The following RPS3A variants were observed in gnomAD, a reference collection of about 807,000 sequenced individuals.
RPS3A encodes the protein ribosomal protein S3A.
Under a neutral mutation model 26.4 loss-of-function variants are expected in RPS3A, and 1 was observed. The ratio of observed to expected loss-of-function variants is 0.04; its 90% confidence interval spans 0.01 to 0.18. RPS3A has a LOEUF of 0.18. Ranked by LOEUF, RPS3A falls within the 10% of genes least tolerant of loss-of-function variation. The pLI is 1.00. For missense variants in RPS3A, 139 were observed against 326.8 expected, an observed-to-expected ratio of 0.43 and a Z score of 4.43; for synonymous variants, 97 against 106.1, an observed-to-expected ratio of 0.91 and a Z score of 0.53.
chr4:151,101,200 G>GT, intron 3 of RPS3A, 38 bp downstream of exon 3: 1 of 1,370,446 alleles, frequency 7.3e-7, no homozygotes, highest in South Asian at 1.3e-5. Context: ...TGTGCTATGG[G>GT]TGTTTGACCA....
rs776716051 is a variant in RPS3A at position 151,103,595 on chromosome 4, C to T, written c.563+516C>T. On this transcript the variant is annotated intron_variant, in intron 4 of 5. Transcript: ENST00000274065. ...AGTTGAAGGACAGGAAATGTTTTTC[C>T]CCTACTTGGAAAATACACTGAATAA... 95 of 1,044,872 alleles carry T rather than the reference C, an allele frequency of 9.1e-5. No individual in the cohort carries two copies. In the Admixed American group the frequency reaches 1.8e-3, roughly 20 times the overall value. The allele number at this position is 1,044,872 out of a possible 1,614,324, so 64.7% of individuals were successfully genotyped here.
At chr4:151,100,174 G>A (rs1350306119) in intron 1 of RPS3A, among the ~76,000 whole-genome samples, 2 of 152,240 alleles carry the variant, frequency 1.3e-5, no homozygotes, top group African/African-American at 4.8e-5. Context: ...TGCCAGCAAA[G>A]TTAATGAGAT....
At chr4:151,103,526 T>C (rs978868863) in intron 4 of RPS3A, 4 of 1,030,692 alleles carry the variant, frequency 3.9e-6, no homozygotes, top group Non-Finnish European at 2.3e-6. Context: ...TAACAGTTTT[T>C]TCGTGTTTAT....
At chr4:151,104,353 G>C in intron 5 of RPS3A, 67 bp downstream of exon 5, 1 of 1,552,564 alleles carries the variant, frequency 6.4e-7, no homozygotes, top group Non-Finnish European at 8.7e-7. Context: ...GAGGAGTGTG[G>C]GGCCATATCA....
chr4:151,101,585 A>G (rs771266186), intron 3 of RPS3A, among the ~76,000 whole-genome samples: 4 of 152,070 alleles, frequency 2.6e-5, no homozygotes, highest in South Asian at 4.1e-4. Flanking sequence ...CCATTTGCCT[A>G]TTGTGTTCTC....
intron 3 of RPS3A, among the ~76,000 whole-genome samples, chr4:151,101,787 C>T (rs970911531): frequency 6.6e-6 from 1 of 152,114 alleles, no homozygotes; most frequent in African/African-American, 2.4e-5. Context: ...GGCTGGAGTG[C>T]AGTGGCGCCA....
chr4:151,099,963 G>C (rs752162082), intron 1 of RPS3A: 1 of 670,026 alleles, frequency 1.5e-6, no homozygotes, highest in Non-Finnish European at 2.7e-6. Context: ...GACTCGGCTG[G>C]AATGTTAGTT....
chr4:151,101,178 C>A lies in RPS3A; in HGVS notation c.354+16C>A. The A allele has an allele frequency of 6.4e-7, 1 of 1,573,726 alleles. No individual in the cohort carries two copies. Among genetic ancestry groups the A allele is most frequent in the Admixed American group, 1.7e-5 (1 of 58,636 alleles). On this transcript the variant is annotated intron_variant, in intron 3 of 5. Coordinates refer to ENST00000274065, the MANE Select transcript of RPS3A (RefSeq NM_001006.5). ...AAAATGGCAGGTGAGACCCAAAGTT[C>A]CTTAGAGTGGTTGTGCTATGGGTGT...
intron 5 of RPS3A, 40 bp downstream of exon 5, chr4:151,104,326 A>G (rs983590764): frequency 6.3e-7 from 1 of 1,596,464 alleles, no homozygotes; most frequent in Non-Finnish European, 8.5e-7. Context: ...GGCCAAATAC[A>G]TTGTTTTTGG....
chr4:151,104,439 G>GTTTTTTGTTTT (rs1747274436), intron 5 of RPS3A, 33 bp from the exon 6 acceptor site: 24 of 711,714 alleles, frequency 3.4e-5, no homozygotes, highest in South Asian at 9.3e-5. Context: ...CAGTTTTTTG[G>GTTTTTTGTTTT]TTTTTTTTTT....
rs774674462 is a variant in RPS3A at position 151,102,856 on chromosome 4, A to G, written c.355-15A>G. ...CGTAAAACCTGTTAAATCTGACGGT[A>G]TCTTTTTTCTCCAGACAATGATTGA... On this transcript the variant is annotated splice_polypyrimidine_tract_variant and intron_variant, in intron 3 of 5. Coordinates refer to ENST00000274065, the MANE Select transcript of RPS3A (RefSeq NM_001006.5). 5 of 1,607,234 alleles carry G rather than the reference A, an allele frequency of 3.1e-6. No individual in the cohort carries two copies. Among genetic ancestry groups the G allele is most frequent in the Non-Finnish European group, 4.2e-6 (5 of 1,176,608 alleles).
chr4:151,103,860 A>G (rs758460390), intron 4 of RPS3A: 1 of 1,407,836 alleles, frequency 7.1e-7, no homozygotes. Flanking sequence ...GTCCCAGATG[A>G]TGGCCAGTGA....
In RPS3A at chr4:151,099,988, G is replaced by C. The variant is rs911612476; in HGVS notation, c.62+274G>C. The stretch of plus-strand genomic sequence containing the variant: ...GAATGTTAGTTTTGTGGGCTCACGA[G>C]CTGCCTCAATTCTGCGAGTGTTTGA... On this transcript the variant is annotated intron_variant, in intron 1 of 5. Coordinates refer to ENST00000274065, the MANE Select transcript of RPS3A (RefSeq NM_001006.5). 3 of 647,172 alleles carry C rather than the reference G, an allele frequency of 4.6e-6. No homozygotes were observed. In the African/African-American group the frequency reaches 5.4e-5, roughly 12 times the overall value. The allele number at this position is 647,172 out of a possible 1,614,324, so 40.1% of individuals were successfully genotyped here.
At position 151,103,354 on chromosome 4, in the gene RPS3A, A is replaced by G. The variant is rs1579558910; in HGVS notation, c.563+275A>G. On this transcript the variant is annotated intron_variant, in intron 4 of 5. Coordinates refer to ENST00000274065, the MANE Select transcript of RPS3A (RefSeq NM_001006.5). Reference sequence around the variant, plus strand: ...CTGTAACCACTGCTTCCTGGGTTCAAGCAGTTCTTGAGCCTCAGCCTCCTG... The same window carrying G: ...CTGTAACCACTGCTTCCTGGGTTCAGGCAGTTCTTGAGCCTCAGCCTCCTG... 6.7e-6 allele frequency: 4 copies of G among 599,036 alleles called. No homozygotes were observed. In the Admixed American group the frequency reaches 1.4e-4, roughly 21 times the overall value. The allele number at this position is 599,036 out of a possible 1,614,324, so 37.1% of individuals were successfully genotyped here.
rs1034957851 is a variant in RPS3A at position 151,103,566 on chromosome 4, A to G, written c.563+487A>G. The G allele has an allele frequency of 4.8e-6, 5 of 1,043,502 alleles. No homozygotes were observed. The Admixed American group carries it at 1.5e-4, about 31-fold the overall frequency. The allele number at this position is 1,043,502 out of a possible 1,614,324, so 64.6% of individuals were successfully genotyped here. A position where few individuals can be genotyped will look rare whatever the true frequency, so the allele number is the denominator to read the frequency against. ...TTTGAATGAAGCTGTCTCACAGTAGATGGAGTTGAAGGACAGGAAATGTTT... is the reference window on the plus strand; with the variant it reads ...TTTGAATGAAGCTGTCTCACAGTAGGTGGAGTTGAAGGACAGGAAATGTTT... On this transcript the variant is annotated intron_variant, in intron 4 of 5. Coordinates refer to ENST00000274065, the MANE Select transcript of RPS3A (RefSeq NM_001006.5).
intron 1 of RPS3A, 167 bp downstream of exon 1, chr4:151,099,881 G>C (rs1193677157): frequency 2.6e-6 from 2 of 767,502 alleles, no homozygotes; most frequent in Admixed American, 2.0e-5. Context: ...GTGTTGAGTA[G>C]CGGCAGGTCG....
In RPS3A at chr4:151,102,902, C is replaced by G. The variant is rs779413502; in HGVS notation, c.386C>G (p.Thr129Ser). The G allele has an allele frequency of 6.2e-7, 1 of 1,611,540 alleles. No individual in the cohort carries two copies. The highest frequency in any genetic ancestry group is 1.7e-5 in the Admixed American group (1 of 59,958). Residue 129 changes from threonine to serine, a missense_variant, in exon 4 of 6, where the codon ACT (threonine) becomes AGT (serine). Thr to Ser is a moderately conservative substitution (Grantham distance 58). Coordinates refer to ENST00000274065, the MANE Select transcript of RPS3A (RefSeq NM_001006.5). ...ATTGAAGCTCACGTTGATGTCAAGA[C>G]TACCGATGGTTACTTGCTTCGTCTG... ...TMIEAHVDVK[T>S]TDGYLLRLFC...
intron 1 of RPS3A, chr4:151,100,055 C>T (rs754446125): frequency 1.8e-6 from 1 of 562,808 alleles, no homozygotes; most frequent in Non-Finnish European, 3.4e-6. Context: ...ACCCTTCTAT[C>T]CATTCAGGAC....
In RPS3A at chr4:151,104,461, T is replaced by TTTCTTTTTG; in HGVS notation, c.674-10_674-9insTCTTTTTGT. Reference sequence around the variant, plus strand: ...TTGGTTTTTTTTTTTTTTTTTTTTTTTGCCTTTTAGTGGGAAAGCTCATGG... The same window carrying TTTCTTTTTG: ...TTGGTTTTTTTTTTTTTTTTTTTTTTTTCTTTTTGTGCCTTTTAGTGGGAAAGCTCATGG... On this transcript the variant is annotated splice_polypyrimidine_tract_variant and intron_variant, in intron 5 of 5. Transcript: ENST00000274065. 1.4e-6 allele frequency: 2 copies of TTTCTTTTTG among 1,468,248 alleles called. No individual in the cohort carries two copies. The highest frequency in any genetic ancestry group is 2.5e-5 in the East Asian group (1 of 39,690). 91.0% of individuals were successfully genotyped at this position (1,468,248 alleles called of 1,614,324 possible).
Sources: gnomAD v4.1 joint callset for allele counts (sites outside exome capture counted in the v4.1 genomes callset) on GRCh38, gnomAD v4.1.1 for gene constraint, MANE v1.5 for transcripts, NCBI Gene and HGNC (gene_info 2026-07-23, HGNC 2026-07-21) for gene names.